The following ATP10B variants were observed in gnomAD, a reference collection of about 807,000 sequenced individuals.
The protein encoded by ATP10B is phospholipid-transporting ATPase VB.
A neutral mutation model predicts 141.2 loss-of-function variants in ATP10B; 122 were observed. The ratio of observed to expected loss-of-function variants is 0.86; its 90% confidence interval spans 0.75 to 1.00. The LOEUF is 1.00. ATP10B is among the 50% of genes least tolerant of loss of function. The probability of loss-of-function intolerance (pLI) is 0.00; values close to 1 mark genes in which losing one functional copy is unlikely to be tolerated. For synonymous variants in ATP10B, 685 were observed against 692.0 expected (o/e 0.99, Z 0.16); for missense variants, 1,876 against 1,825.3 (o/e 1.03, Z -0.51).
chr5:160,891,682 C>T, the ATP10B span, among the ~76,000 whole-genome samples: 4 of 152,212 alleles, frequency 2.6e-5, no homozygotes, highest in Non-Finnish European at 4.4e-5. Context: ...AAGTGATCCA[C>T]CTGCCTCAGC....
intron 3 of ATP10B, among the ~76,000 whole-genome samples, chr5:160,708,924 G>A (rs1765185192): frequency 6.6e-6 from 1 of 152,166 alleles, no homozygotes; most frequent in South Asian, 2.1e-4. Context: ...CACCATGATA[G>A]CAAGCAGACA....
the ATP10B span, among the ~76,000 whole-genome samples, chr5:160,873,796 C>T: frequency 6.6e-6 from 1 of 152,222 alleles, no homozygotes. Flanking sequence ...AAAATTGGGT[C>T]ACTCCCACCT....
chr5:160,743,434 T>C (rs1443716302), intron 2 of ATP10B, among the ~76,000 whole-genome samples: 1 of 152,194 alleles, frequency 6.6e-6, no homozygotes, highest in Non-Finnish European at 1.5e-5. Flanking sequence ...GCCAAGACAC[T>C]GGACATTTAT....
chr5:160,644,270 G>A (rs1338292798), intron 8 of ATP10B, 26 bp from the exon 9 acceptor site: 9 of 1,584,596 alleles, frequency 5.7e-6, no homozygotes, highest in Admixed American at 1.7e-5. Context: ...AAAAGACAGG[G>A]GGTGGTTTGG....
chr5:160,866,792 CTGCTTGGGTGGCGGG>C, the ATP10B span, among the ~76,000 whole-genome samples: 1 of 152,100 alleles, frequency 6.6e-6, no homozygotes, highest in Non-Finnish European at 1.5e-5. Context: ...ACAGTATACA[CTGCTTGGGTGGCGGG>C]TGCACCAAAA....
At chr5:160,657,375 T>G (rs1335941243) in intron 7 of ATP10B, among the ~76,000 whole-genome samples, 2 of 152,154 alleles carry the variant, frequency 1.3e-5, no homozygotes, top group Non-Finnish European at 2.9e-5. Context: ...AAGGTTCTTT[T>G]CAAGATAACC....
chr5:160,586,233 G>A (rs913533264), intron 24 of ATP10B, among the ~76,000 whole-genome samples: 2 of 152,134 alleles, frequency 1.3e-5, no homozygotes, highest in Non-Finnish European at 2.9e-5. Flanking sequence ...GTGGTGTTTG[G>A]TTTTCTGTTC....
the ATP10B span, among the ~76,000 whole-genome samples, chr5:160,861,608 G>C: frequency 6.6e-6 from 1 of 151,868 alleles, no homozygotes; most frequent in Non-Finnish European, 1.5e-5. Flanking sequence ...TTTTTACACT[G>C]TATATGCTGT....
chr5:160,764,368 C>T (rs1769257306), intron 2 of ATP10B, among the ~76,000 whole-genome samples: 2 of 152,126 alleles, frequency 1.3e-5, no homozygotes, highest in South Asian at 4.1e-4. Context: ...ACACTATCAT[C>T]AAGTGGGTTT....
intron 2 of ATP10B, among the ~76,000 whole-genome samples, chr5:160,761,436 A>C (rs934857608): frequency 6.7e-6 from 1 of 149,386 alleles, no homozygotes; most frequent in African/African-American, 2.5e-5. Flanking sequence ...ATTCCCCAGC[A>C]CCAGGGCCCA....
the ATP10B span, among the ~76,000 whole-genome samples, chr5:160,895,726 C>G: frequency 1.3e-5 from 2 of 152,216 alleles, no homozygotes; most frequent in Non-Finnish European, 2.9e-5. Context: ...CCTCTGCACT[C>G]TAAATCAACA....
chr5:160,926,643 C>A, the ATP10B span, among the ~76,000 whole-genome samples: 1 of 152,198 alleles, frequency 6.6e-6, no homozygotes, highest in Admixed American at 6.5e-5. Flanking sequence ...CCCATAAAAA[C>A]CACCAGCATG....
At chr5:160,575,704 T>TA (rs567287990) in intron 24 of ATP10B, among the ~76,000 whole-genome samples, 83 of 151,288 alleles carry the variant, frequency 5.5e-4, no homozygotes, top group East Asian at 1.2e-3. Flanking sequence ...ATTAAACAAA[T>TA]AAAAAAAAAC....
chr5:160,616,435 A>G (rs1450039721), intron 16 of ATP10B, among the ~76,000 whole-genome samples: 1 of 152,190 alleles, frequency 6.6e-6, no homozygotes, highest in Admixed American at 6.5e-5. Context: ...CATGGGCAAG[A>G]GCAAGAGTTA....
At chr5:160,576,685 C>T (rs1755211298) in intron 24 of ATP10B, among the ~76,000 whole-genome samples, 1 of 152,072 alleles carries the variant, frequency 6.6e-6, no homozygotes, top group Non-Finnish European at 1.5e-5. Flanking sequence ...GAGAAGAGAG[C>T]CAGAGGAAAT....
intron 1 of ATP10B, among the ~76,000 whole-genome samples, chr5:160,847,032 G>A (rs953052715): frequency 3.9e-5 from 6 of 152,130 alleles, no homozygotes; most frequent in Non-Finnish European, 8.8e-5. Flanking sequence ...TTACCTCTTC[G>A]ATTAATTCTC....
At chr5:160,879,882 A>G in the ATP10B span, among the ~76,000 whole-genome samples, 1 of 152,056 alleles carries the variant, frequency 6.6e-6, no homozygotes, top group Non-Finnish European at 1.5e-5. Context: ...TGGAACTAAT[A>G]AGTGATTGTA....
chr5:160,760,479 G>A (rs1352292518), intron 2 of ATP10B, among the ~76,000 whole-genome samples: 1 of 152,170 alleles, frequency 6.6e-6, no homozygotes, highest in East Asian at 1.9e-4. Flanking sequence ...TGGATTATAT[G>A]CTACAGTAAA....
intron 1 of ATP10B, among the ~76,000 whole-genome samples, chr5:160,828,434 C>T (rs1774799961): frequency 2.0e-5 from 3 of 152,112 alleles, no homozygotes; most frequent in Non-Finnish European, 4.4e-5. Flanking sequence ...GACATTGATG[C>T]AGCCAAAAGA....
Sources: allele counts gnomAD v4.1 joint callset (sites outside exome capture counted in the v4.1 genomes callset), GRCh38; gene constraint gnomAD v4.1.1; transcripts MANE v1.5; gene names NCBI Gene and HGNC (gene_info 2026-07-23, HGNC 2026-07-21).